Variants in TDRD3 observed in about 807,000 individuals in gnomAD.
TDRD3 encodes the protein tudor domain-containing protein 3.
Under a neutral mutation model 86.7 loss-of-function variants are expected in TDRD3, and 45 were observed. The ratio of observed to expected loss-of-function variants is 0.52; its 90% CI spans 0.41 to 0.67. The LOEUF (loss-of-function observed/expected upper bound fraction) is 0.67, where lower values mean the gene tolerates loss of function less well. Among genes scored for constraint, TDRD3 ranks in the 30% least tolerant of loss-of-function variants. The pLI is 0.00. For synonymous variants in TDRD3, 298 were observed against 301.7 expected, an observed-to-expected ratio of 0.99 and a Z score of 0.13; for missense variants, 814 against 889.0, an observed-to-expected ratio of 0.92 and a Z score of 1.07.
At chr13:60,449,913 T>C (rs931711528) in intron 3 of TDRD3, among the ~76,000 whole-genome samples, 2 of 152,090 alleles carry the variant, frequency 1.3e-5, no homozygotes, top group African/African-American at 4.8e-5. Flanking sequence ...GCTTTTGTCA[T>C]CTGCTTCCCT....
At chr13:60,506,877 G>A (rs1006884321) in intron 8 of TDRD3, among the ~76,000 whole-genome samples, 1 of 152,122 alleles carries the variant, frequency 6.6e-6, no homozygotes, top group Non-Finnish European at 1.5e-5. Context: ...ATGTAAATGG[G>A]CTAAATGTCC....
At chr13:60,470,311 T>G (rs1251190228) in intron 5 of TDRD3, among the ~76,000 whole-genome samples, 1 of 152,204 alleles carries the variant, frequency 6.6e-6, no homozygotes, top group Non-Finnish European at 1.5e-5. Flanking sequence ...TTTTTAAGTC[T>G]TATGAATAAT....
At chr13:60,401,006 T>A (rs1238905938) in intron 1 of TDRD3, among the ~76,000 whole-genome samples, 1 of 152,268 alleles carries the variant, frequency 6.6e-6, no homozygotes, top group East Asian at 1.9e-4. Flanking sequence ...CATTTTGTGG[T>A]GTGTAAATTT....
intron 12 of TDRD3, among the ~76,000 whole-genome samples, chr13:60,539,028 T>C (rs1156558792): frequency 6.6e-6 from 1 of 152,170 alleles, no homozygotes; most frequent in Non-Finnish European, 1.5e-5. Context: ...TTATTTCAAC[T>C]AGAAAAATGA....
intron 12 of TDRD3, among the ~76,000 whole-genome samples, chr13:60,551,520 G>C (rs1034918235): frequency 6.6e-6 from 1 of 152,164 alleles, no homozygotes; most frequent in Non-Finnish European, 1.5e-5. Context: ...GAAATTTCCA[G>C]ATCAGGAGTT....
At chr13:60,414,982 C>T (rs1954462666) in intron 1 of TDRD3, among the ~76,000 whole-genome samples, 4 of 151,828 alleles carry the variant, frequency 2.6e-5, no homozygotes, top group African/African-American at 9.7e-5. Flanking sequence ...TGTTAAAACA[C>T]ATCAGTCTTG....
At chr13:60,444,281 T>A (rs1437801674) in intron 2 of TDRD3, among the ~76,000 whole-genome samples, 1 of 152,006 alleles carries the variant, frequency 6.6e-6, no homozygotes, top group African/African-American at 2.4e-5. Flanking sequence ...TTTTATGTAA[T>A]GTCAAGGTTA....
In TDRD3 at chr13:60,506,469, A is replaced by T. The variant is rs532611582; in HGVS notation, c.859-3294A>T. Among the ~76,000 whole-genome samples, 3 of 152,250 alleles carry T rather than the reference A, an allele frequency of 2.0e-5. No homozygotes were observed. The East Asian group carries it at 5.8e-4, about 29-fold the overall frequency. ...TTGTAAAGAACATTGACACTGGCCG[A>T]GTGCAGTGGCTCATGCCTGTAATCC... On this transcript the variant is annotated intron_variant, in intron 8 of 13. Transcript: ENST00000377881.
chr13:60,399,202 C>T (rs988808963), intron 1 of TDRD3, among the ~76,000 whole-genome samples: 1 of 152,168 alleles, frequency 6.6e-6, no homozygotes, highest in Admixed American at 6.5e-5. Flanking sequence ...TTGGAATGCC[C>T]CTGCCAGTCA....
rs568197983 is a variant in TDRD3 at position 60,397,845 on chromosome 13, C to T, written c.41+440C>T. 2.5e-3 allele frequency among the ~76,000 whole-genome samples: 382 copies of T among 152,170 alleles called. 4 individuals are homozygous for T. The highest frequency in any genetic ancestry group is 0.015 in the Admixed American group (227 of 15,296). ...TGCGGCGGAGAGGGACGAACGCGGC[C>T]GGAGCCCGCGGGCCCATAGGAAGTT... is the stretch of plus-strand genomic sequence containing the variant. On this transcript the variant is annotated intron_variant, in intron 1 of 13. Transcript: ENST00000377881.
chr13:60,471,677 G>A (rs375743774), intron 5 of TDRD3, among the ~76,000 whole-genome samples: 3 of 152,102 alleles, frequency 2.0e-5, no homozygotes, highest in African/African-American at 7.2e-5. Flanking sequence ...TAAATTGTTA[G>A]TGTAGAGAAA....
chr13:60,463,115 G>T (rs985614882), intron 4 of TDRD3, among the ~76,000 whole-genome samples: 1 of 152,126 alleles, frequency 6.6e-6, no homozygotes, highest in African/African-American at 2.4e-5. Flanking sequence ...ACCTAAATGT[G>T]GCTGGGCATG....
chr13:60,471,541 CAAAAA>C (rs35512603), intron 5 of TDRD3, among the ~76,000 whole-genome samples: 1 of 143,768 alleles, frequency 7.0e-6, no homozygotes, highest in Non-Finnish European at 1.5e-5. Flanking sequence ...TCTATTTCTG[CAAAAA>C]AAAAAAATCA....
At chr13:60,466,052 G>T (rs1049100973) in intron 4 of TDRD3, among the ~76,000 whole-genome samples, 1 of 152,124 alleles carries the variant, frequency 6.6e-6, no homozygotes, top group Non-Finnish European at 1.5e-5. Flanking sequence ...CCCCAAATCT[G>T]ATAGCCTACT....
At chr13:60,399,521 A>G (rs191247139) in intron 1 of TDRD3, among the ~76,000 whole-genome samples, 5 of 152,276 alleles carry the variant, frequency 3.3e-5, no homozygotes, top group Admixed American at 3.3e-4. Flanking sequence ...CTAGGTCTTT[A>G]ATTGGGGACT....
At chr13:60,528,146 A>G (rs1435228442) in intron 10 of TDRD3, among the ~76,000 whole-genome samples, 3 of 152,140 alleles carry the variant, frequency 2.0e-5, no homozygotes, top group African/African-American at 7.2e-5. Context: ...GGTCCCTTTT[A>G]CTACTTTACT....
chr13:60,422,185 T>G (rs1318886421), intron 1 of TDRD3, among the ~76,000 whole-genome samples: 1 of 152,150 alleles, frequency 6.6e-6, no homozygotes, highest in Non-Finnish European at 1.5e-5. Flanking sequence ...GGCGTTTCCT[T>G]TGGCAATTGG....
At chr13:60,562,355 A>G (rs770667029) in intron 12 of TDRD3, among the ~76,000 whole-genome samples, 18 of 151,694 alleles carry the variant, frequency 1.2e-4, no homozygotes, top group Non-Finnish European at 2.1e-4. Context: ...AGAAAAGCTG[A>G]TTCAGCTTTC....
At chr13:60,490,316 G>A (rs1315629574) in intron 7 of TDRD3, among the ~76,000 whole-genome samples, 3 of 152,138 alleles carry the variant, frequency 2.0e-5, no homozygotes, top group Admixed American at 6.5e-5. Context: ...AAGGAGGTAC[G>A]AGAATTAACT....
Sources: gnomAD v4.1 joint callset for allele counts (sites outside exome capture counted in the v4.1 genomes callset) on GRCh38, gnomAD v4.1.1 for gene constraint, MANE v1.5 for transcripts, NCBI Gene and HGNC (gene_info 2026-07-23, HGNC 2026-07-21) for gene names.